The following RIF1 variants were observed in gnomAD, a reference collection of about 807,000 sequenced individuals.
RIF1 encodes the protein replication timing regulatory factor 1.
RIF1 carries 45 observed loss-of-function variants against 247.1 expected under a neutral mutation model. That is an observed-to-expected ratio of 0.18 (90% CI 0.14 to 0.23). The LOEUF (loss-of-function observed/expected upper bound fraction) is 0.23, where lower values mean the gene tolerates loss of function less well. RIF1 is among the 10% of genes least tolerant of loss of function. The pLI, the probability that RIF1 is intolerant of heterozygous loss-of-function variation, is 1.00. For synonymous variants in RIF1, 1,087 were observed against 978.8 expected (o/e 1.11, Z -2.06); for missense variants, 2,967 against 2,862.5 (o/e 1.04, Z -0.83).
At position 151,435,574 on chromosome 2, in the gene RIF1, C is replaced by A. The variant is rs769328656; in HGVS notation, c.1189C>A (p.His397Asn). 3.2e-6 allele frequency: 5 copies of A among 1,551,048 alleles called. No homozygotes were observed. Among genetic ancestry groups the A allele is most frequent in the Non-Finnish European group, 4.5e-6 (5 of 1,122,908 alleles). ...SPGLNPMTPV[H>N]KGASSPYGAP... ...AGGTTTAAATCCTATGACTCCTGTACACAAAGGTAAGAGGTAGATATTCTT... is the reference window on the plus strand; with the variant it reads ...AGGTTTAAATCCTATGACTCCTGTAAACAAAGGTAAGAGGTAGATATTCTT... Residue 397 changes from histidine to asparagine, a missense_variant, in exon 11 of 36, where the codon CAC (histidine) becomes AAC (asparagine). This residue lies in a region of RIF1 where 369 missense variants were observed against 322.0 expected (regional missense o/e 1.15). Transcript: ENST00000444746.
At chr2:151,467,918 G>T (rs1349976385) in intron 30 of RIF1, 82 bp from the exon 31 acceptor site, 1 of 1,360,544 alleles carries the variant, frequency 7.3e-7, no homozygotes, top group Non-Finnish European at 1.0e-6. Flanking sequence ...TCTATTTTTG[G>T]GTAACCTCAT....
intron 14 of RIF1, among the ~76,000 whole-genome samples, chr2:151,439,701 C>T (rs1395670637): frequency 6.7e-6 from 1 of 150,206 alleles, no homozygotes. Context: ...ACACCATTCT[C>T]AGCCAGGCAT....
intron 9 of RIF1, chr2:151,492,042 GT>G (rs963301280): frequency 1.3e-6 from 2 of 1,546,872 alleles, no homozygotes; most frequent in East Asian, 4.5e-5. Flanking sequence ...TGCTACTTTT[GT>G]TCTTCTACCC....
chr2:151,527,076 C>T, the RIF1 span: 1 of 1,236,472 alleles, frequency 8.1e-7, no homozygotes, highest in South Asian at 1.3e-5. Context: ...CAGGAGGAAG[C>T]TGGGCATTTG....
intron 34 of RIF1, among the ~76,000 whole-genome samples, chr2:151,471,187 C>G (rs1027366144): frequency 1.3e-5 from 2 of 152,118 alleles, no homozygotes; most frequent in African/African-American, 4.8e-5. Flanking sequence ...TGGCTTCTTT[C>G]ACTTAGCATA....
At chr2:151,485,654 A>G, downstream of RIF1, 1 of 1,140,928 alleles carries the variant, frequency 8.8e-7, no homozygotes, top group African/African-American at 1.5e-5. Flanking sequence ...TTGACACAGA[A>G]AAACCATAGG....
Position 151,440,023 on chromosome 2 carries a change from A to G in RIF1, c.1547-4A>G, listed in dbSNP as rs777497757. ...ACTATACCCTTCTTTTTGCTTTTTG[A>G]TAGGTAACAAAAAAGAGAAACCAGG... is the stretch of plus-strand genomic sequence containing the variant. On this transcript the variant is annotated splice_region_variant and splice_polypyrimidine_tract_variant and intron_variant, in intron 14 of 35. Transcript: ENST00000444746. 3.4e-6 allele frequency: 3 copies of G among 879,650 alleles called. No homozygotes were observed. Among genetic ancestry groups the G allele is most frequent in the South Asian group, 1.4e-5 (1 of 70,694 alleles). The allele number at this position is 879,650 out of a possible 1,614,324, so 54.5% of individuals were successfully genotyped here.
At chr2:151,426,680 T>A (rs1689157741) in intron 8 of RIF1, among the ~76,000 whole-genome samples, 1 of 151,802 alleles carries the variant, frequency 6.6e-6, no homozygotes, top group Non-Finnish European at 1.5e-5. Context: ...GTTTTTTTTT[T>A]AAGACAGAGT....
chr2:151,420,770 TTGGTATAGTTGCACTA>T (rs1340003007), intron 7 of RIF1, among the ~76,000 whole-genome samples: 2 of 151,402 alleles, frequency 1.3e-5, no homozygotes, highest in Admixed American at 6.6e-5. Flanking sequence ...TCTGGGCATA[TTGGTATAGTTGCACTA>T]TGATATAGGA....
At chr2:151,433,054 C>T (rs775303153) in intron 9 of RIF1, 23 bp from the exon 10 acceptor site, 1 of 1,593,308 alleles carries the variant, frequency 6.3e-7, no homozygotes, top group South Asian at 1.1e-5. Context: ...GTCTCTTTAA[C>T]TGTGTGCTTA....
chr2:151,493,313 C>T (rs954735053), intron 9 of RIF1: 11 of 1,432,050 alleles, frequency 7.7e-6, no homozygotes, highest in Non-Finnish European at 1.1e-5. Flanking sequence ...ATGTTATTTT[C>T]CAAGTTGTTG....
At chr2:151,512,755 T>C (rs1413225260), downstream of RIF1, 5 of 1,613,618 alleles carry the variant, frequency 3.1e-6, no homozygotes, top group African/African-American at 1.3e-5. Flanking sequence ...ATTCTTGACT[T>C]GTTGGGCATG....
downstream of RIF1, chr2:151,485,811 C>A: frequency 6.2e-7 from 1 of 1,614,092 alleles, no homozygotes; most frequent in Non-Finnish European, 8.5e-7. Context: ...TGCCAGTCCT[C>A]TGCACAGTGC....
chr2:151,504,132 T>TTAAG (rs1336091907), intron 12 of RIF1, among the ~76,000 whole-genome samples: 2 of 152,008 alleles, frequency 1.3e-5, no homozygotes, highest in African/African-American at 2.4e-5. Context: ...ACTCTTAACA[T>TTAAG]TAAGTTTTCA....
chr2:151,446,597 C>CT (rs1693309536), intron 20 of RIF1, 22 bp downstream of exon 20: 1 of 1,599,940 alleles, frequency 6.3e-7, no homozygotes, highest in East Asian at 2.2e-5. Flanking sequence ...CTGATGCTAC[C>CT]TTTTTTTGTT....
intron 12 of RIF1, chr2:151,505,420 G>C (rs1422258434): frequency 7.2e-7 from 1 of 1,380,262 alleles, no homozygotes; most frequent in South Asian, 1.2e-5. Flanking sequence ...GAGAGCACCA[G>C]GGTAGCAATT....
chr2:151,466,567 G>A (rs1277266901), intron 30 of RIF1, among the ~76,000 whole-genome samples: 1 of 151,740 alleles, frequency 6.6e-6, no homozygotes, highest in Non-Finnish European at 1.5e-5. Context: ...AAACTCATGT[G>A]CCTTCATCAA....
chr2:151,448,333 C>T (rs116968668), intron 20 of RIF1, among the ~76,000 whole-genome samples: 4,539 of 152,170 alleles, frequency 0.03, 122 homozygotes, highest in East Asian at 0.14. Context: ...TGTGAGCCGC[C>T]GCGCCCAGCC....
chr2:151,432,709 C>G (rs1409125321), intron 9 of RIF1, among the ~76,000 whole-genome samples: 1 of 152,074 alleles, frequency 6.6e-6, no homozygotes, highest in Non-Finnish European at 1.5e-5. Flanking sequence ...TCAGGACTGT[C>G]CTGGTGTGGT....
Sources: allele counts gnomAD v4.1 joint callset (sites outside exome capture counted in the v4.1 genomes callset), GRCh38; gene constraint gnomAD v4.1.1; regional missense constraint gnomAD v4.1.1; transcripts MANE v1.5; gene names NCBI Gene and HGNC (gene_info 2026-07-23, HGNC 2026-07-21).